The following MDGA2 variants were observed in gnomAD, a reference collection of about 807,000 sequenced individuals.
MDGA2 encodes MAM domain containing glycosylphosphatidylinositol anchor 2, also known as MAM domain-containing glycosylphosphatidylinositol anchor protein 2.
Under a neutral mutation model 117.8 loss-of-function variants are expected in MDGA2, and 40 were observed. That is an observed-to-expected ratio of 0.34 (90% CI 0.26 to 0.44). The LOEUF is 0.44. MDGA2 is among the 20% of genes least tolerant of loss of function. The pLI is 1.00. For missense variants in MDGA2, 1,123 were observed against 1,250.6 expected, an observed-to-expected ratio of 0.90 and a Z score of 1.54; for synonymous variants, 452 against 439.0, an observed-to-expected ratio of 1.03 and a Z score of -0.37.
intron 3 of MDGA2, 39 bp from the exon 4 acceptor site, chr14:47,144,313 GA>G (rs1566649110): frequency 6.1e-6 from 9 of 1,470,606 alleles, no homozygotes; most frequent in Non-Finnish European, 7.4e-6. Context: ...AATGTTATGA[GA>G]TAGATGACTT....
At chr14:47,049,372 T>C (rs553459221) in intron 7 of MDGA2, among the ~76,000 whole-genome samples, 18 of 151,760 alleles carry the variant, frequency 1.2e-4, no homozygotes, top group Admixed American at 7.3e-4. Context: ...TAAAATGGCA[T>C]AGTATTTGCA....
intron 8 of MDGA2, among the ~76,000 whole-genome samples, chr14:47,022,780 C>T (rs1888331806): frequency 6.6e-6 from 1 of 152,038 alleles, no homozygotes; most frequent in Non-Finnish European, 1.5e-5. Context: ...GCATTGAGTT[C>T]AAATGTGCAT....
intron 1 of MDGA2, among the ~76,000 whole-genome samples, chr14:47,438,691 G>A (rs1164171143): frequency 6.6e-6 from 1 of 152,104 alleles, no homozygotes; most frequent in Non-Finnish European, 1.5e-5. Flanking sequence ...AGCAAAAGAA[G>A]AACCAGACCA....
At chr14:47,249,917 A>G (rs1887388840) in intron 2 of MDGA2, among the ~76,000 whole-genome samples, 1 of 152,236 alleles carries the variant, frequency 6.6e-6, no homozygotes, top group Non-Finnish European at 1.5e-5. Context: ...GTAACCTGTC[A>G]CTAACATGGC....
At chr14:47,203,071 G>C (rs943014439) in intron 3 of MDGA2, among the ~76,000 whole-genome samples, 1 of 151,932 alleles carries the variant, frequency 6.6e-6, no homozygotes, top group African/African-American at 2.4e-5. Flanking sequence ...AAAAGGAGAA[G>C]AAGAGTAAAA....
rs1898158362 is a variant in MDGA2 at position 47,675,114 on chromosome 14, G to A, written c.-318C>T. Among the ~76,000 whole-genome samples, 2 of 152,012 alleles carry A rather than the reference G, an allele frequency of 1.3e-5. No homozygotes were observed. The highest frequency in any genetic ancestry group is 3.9e-4 in the East Asian group (2 of 5,130). On this transcript the variant is annotated 5_prime_UTR_variant, in exon 1 of 17. Coordinates refer to ENST00000399232, the MANE Select transcript of MDGA2 (RefSeq NM_001113498.3). The stretch of plus-strand genomic sequence containing the variant: ...AGTGGCCTCTGACCCAGGACACCGA[G>A]CAGGGCTCTCTTGCCTGGATTCGCC...
intron 1 of MDGA2, among the ~76,000 whole-genome samples, chr14:47,342,282 A>AT (rs1566746810): frequency 2.9e-5 from 4 of 138,676 alleles, no homozygotes; most frequent in African/African-American, 1.0e-4. Context: ...ATATATATAT[A>AT]AAATATGTTA....
intron 3 of MDGA2, among the ~76,000 whole-genome samples, chr14:47,155,519 A>C (rs1227386326): frequency 6.6e-6 from 1 of 152,090 alleles, no homozygotes; most frequent in Non-Finnish European, 1.5e-5. Flanking sequence ...CTGCAGTGAA[A>C]GCCGCTTGCA....
intron 2 of MDGA2, among the ~76,000 whole-genome samples, chr14:47,271,772 A>G (rs1008031028): frequency 1.3e-5 from 2 of 152,226 alleles, no homozygotes; most frequent in African/African-American, 4.8e-5. Context: ...TTGTTTATAA[A>G]TAATTTCTCA....
rs140758349 is a variant in MDGA2 at position 47,572,456 on chromosome 14, T to G, written c.280+102061A>C. ...GAATATGATTAAGGCTATTAAACTT[T>G]GATTGCATAATTTTAAACAAATTCT... is the stretch of plus-strand genomic sequence containing the variant. On this transcript the variant is annotated intron_variant, in intron 1 of 16. Transcript: ENST00000399232. Among the ~76,000 whole-genome samples, 390 of 152,332 alleles carry G rather than the reference T, an allele frequency of 2.6e-3. 4 individuals are homozygous for G. The highest frequency in any genetic ancestry group is 8.9e-3 in the African/African-American group (370 of 41,580).
chr14:47,122,370 G>A (rs898069422), intron 5 of MDGA2, among the ~76,000 whole-genome samples: 3 of 151,976 alleles, frequency 2.0e-5, no homozygotes, highest in Admixed American at 1.3e-4. Context: ...ATGGAGGTAG[G>A]CTGGATAGTG....
At chr14:47,390,431 T>C (rs1208402774) in intron 1 of MDGA2, among the ~76,000 whole-genome samples, 1 of 152,072 alleles carries the variant, frequency 6.6e-6, no homozygotes, top group Non-Finnish European at 1.5e-5. Flanking sequence ...CAAAACAACC[T>C]TCCATCGTAA....
intron 5 of MDGA2, among the ~76,000 whole-genome samples, chr14:47,116,729 C>A (rs537618893): frequency 1.5e-4 from 23 of 151,986 alleles, no homozygotes; most frequent in African/African-American, 5.5e-4. Flanking sequence ...TAAATCTGAT[C>A]CCTAACTTAC....
intron 14 of MDGA2, among the ~76,000 whole-genome samples, chr14:46,862,686 A>G (rs971635729): frequency 6.6e-6 from 1 of 152,032 alleles, no homozygotes; most frequent in Non-Finnish European, 1.5e-5. Context: ...TGTTATAATC[A>G]GTAACACAGA....
At chr14:46,844,651 A>G (rs1325290545) in intron 16 of MDGA2, among the ~76,000 whole-genome samples, 1 of 152,184 alleles carries the variant, frequency 6.6e-6, no homozygotes, top group Non-Finnish European at 1.5e-5. Flanking sequence ...GAAAGCATCT[A>G]TGCTGACATG....
chr14:46,984,634 T>C (rs1370495951), intron 8 of MDGA2, among the ~76,000 whole-genome samples: 1 of 151,944 alleles, frequency 6.6e-6, no homozygotes, highest in African/African-American at 2.4e-5. Flanking sequence ...TCTTACACAA[T>C]GGATTTATAG....
At chr14:47,512,424 A>C (rs1894661242) in intron 1 of MDGA2, among the ~76,000 whole-genome samples, 1 of 152,128 alleles carries the variant, frequency 6.6e-6, no homozygotes, top group Non-Finnish European at 1.5e-5. Flanking sequence ...TGTAGTTCAA[A>C]ATCACTCATA....
At chr14:47,559,194 T>C (rs1033522233) in intron 1 of MDGA2, among the ~76,000 whole-genome samples, 2 of 152,178 alleles carry the variant, frequency 1.3e-5, no homozygotes, top group Admixed American at 1.3e-4. Context: ...ACCCAGGTAA[T>C]AAGCATAGTA....
intron 1 of MDGA2, among the ~76,000 whole-genome samples, chr14:47,512,035 G>C (rs1386521592): frequency 2.6e-5 from 4 of 152,076 alleles, no homozygotes; most frequent in Non-Finnish European, 4.4e-5. Flanking sequence ...AGTAAACTTT[G>C]GTTCAGTAAA....
Sources: allele counts gnomAD v4.1 joint callset (sites outside exome capture counted in the v4.1 genomes callset), GRCh38; gene constraint gnomAD v4.1.1; transcripts MANE v1.5; gene names NCBI Gene and HGNC (gene_info 2026-07-23, HGNC 2026-07-21).